SLC25A26: variants seen among roughly 807,000 people sequenced by gnomAD.
SLC25A26 encodes the protein mitochondrial S-adenosylmethionine carrier protein.
In SLC25A26, 36 loss-of-function variants were observed where a neutral mutation model predicts 37.8. The ratio of observed to expected loss-of-function variants is 0.95; its 90% confidence interval spans 0.73 to 1.26. SLC25A26 has a LOEUF of 1.26. SLC25A26 is among the 50% of genes most tolerant of loss of function. The probability of loss-of-function intolerance (pLI) is 0.00; values close to 1 mark genes in which losing one functional copy is unlikely to be tolerated. For synonymous variants in SLC25A26, 129 were observed against 122.5 expected, an observed-to-expected ratio of 1.05 and a Z score of -0.35; for missense variants, 390 against 331.1, an observed-to-expected ratio of 1.18 and a Z score of -1.38.
chr3:66,239,381 A>C (rs1415095312), intron 2 of SLC25A26, among the ~76,000 whole-genome samples: 1 of 151,590 alleles, frequency 6.6e-6, no homozygotes, highest in Non-Finnish European at 1.5e-5. Context: ...CCTTGGTGAC[A>C]TTTTTCTTTT....
intron 5 of SLC25A26, among the ~76,000 whole-genome samples, chr3:66,317,555 A>G (rs565662060): frequency 6.6e-6 from 1 of 152,286 alleles, no homozygotes; most frequent in East Asian, 1.9e-4. Flanking sequence ...AGGTGTCTGC[A>G]GGCTTTTGTC....
intron 5 of SLC25A26, among the ~76,000 whole-genome samples, chr3:66,287,264 C>G (rs536339619): frequency 6.0e-5 from 9 of 150,526 alleles, no homozygotes; most frequent in Non-Finnish European, 1.0e-4. Context: ...CCATTGCACT[C>G]TAGCCTGGGC....
At chr3:66,135,463 A>G (rs1345208388) in intron 1 of SLC25A26, among the ~76,000 whole-genome samples, 1 of 152,164 alleles carries the variant, frequency 6.6e-6, no homozygotes, top group Non-Finnish European at 1.5e-5. Flanking sequence ...TTTAATGTGA[A>G]CAATTGTTAA....
intron 1 of SLC25A26, among the ~76,000 whole-genome samples, chr3:66,172,361 T>C (rs1359906339): frequency 7.5e-6 from 1 of 132,986 alleles, no homozygotes; most frequent in Non-Finnish European, 1.5e-5. Context: ...CAGTGAGCCA[T>C]GTTTGCACCA....
In SLC25A26 at chr3:66,155,749, A is replaced by G. The variant is rs576287371; in HGVS notation, c.-354+21765A>G. Among the ~76,000 whole-genome samples, 34 of 152,228 alleles carry G rather than the reference A, an allele frequency of 2.2e-4. No individual in the cohort carries two copies. In the East Asian group the frequency reaches 6.4e-3, roughly 29 times the overall value. On this transcript the variant is annotated intron_variant, in intron 1 of 10. Coordinates refer to the SLC25A26 transcript ENST00000676754. The stretch of plus-strand genomic sequence containing the variant: ...AGGTGAAAAACTGAAAAACCAGCAC[A>G]CTCAAATCAGCAAGTTCACTTGCCC...
At chr3:66,347,900 T>A (rs1425198209) in intron 6 of SLC25A26, among the ~76,000 whole-genome samples, 2 of 152,202 alleles carry the variant, frequency 1.3e-5, no homozygotes, top group Non-Finnish European at 2.9e-5. Flanking sequence ...CTGCATGTTC[T>A]CACTTATAAG....
At chr3:66,297,171 CA>C (rs1374895193) in intron 5 of SLC25A26, among the ~76,000 whole-genome samples, 2 of 151,240 alleles carry the variant, frequency 1.3e-5, no homozygotes, top group East Asian at 1.9e-4. Context: ...ATTAAAAATA[CA>C]AAAAAAATAG....
intron 5 of SLC25A26, among the ~76,000 whole-genome samples, chr3:66,275,910 G>T (rs1212750889): frequency 6.6e-6 from 1 of 152,034 alleles, no homozygotes; most frequent in Non-Finnish European, 1.5e-5. Flanking sequence ...TGTGGGTCAA[G>T]AATTACCCTT....
At chr3:66,342,818 CT>C (rs1424778694) in intron 5 of SLC25A26, among the ~76,000 whole-genome samples, 2 of 152,164 alleles carry the variant, frequency 1.3e-5, no homozygotes, top group Admixed American at 6.5e-5. Flanking sequence ...CTTTTTCCCC[CT>C]CCATCTGTGT....
intron 5 of SLC25A26, among the ~76,000 whole-genome samples, chr3:66,339,043 CT>C (rs1337529347): frequency 6.6e-6 from 1 of 151,960 alleles, no homozygotes; most frequent in African/African-American, 2.4e-5. Flanking sequence ...ATGCAAGTGT[CT>C]GTTTGAGTCT....
intron 2 of SLC25A26, 52 bp downstream of exon 2, chr3:66,236,752 A>G (rs1009974342): frequency 2.9e-6 from 4 of 1,402,712 alleles, no homozygotes; most frequent in East Asian, 2.5e-5. Context: ...TGGGATTTTC[A>G]GAATGGTGTG....
chr3:66,222,833 A>T (rs571149997), intron 1 of SLC25A26, among the ~76,000 whole-genome samples: 1 of 152,308 alleles, frequency 6.6e-6, no homozygotes, highest in East Asian at 1.9e-4. Context: ...TGAGTGCTGC[A>T]GTTAACAAAA....
At chr3:66,240,770 G>C (rs36157487) in intron 2 of SLC25A26, among the ~76,000 whole-genome samples, 14,302 of 133,906 alleles carry the variant, frequency 0.11, 1,687 homozygotes, top group African/African-American at 0.28. Context: ...TTTTGAGACA[G>C]AGTCTCACTC....
At chr3:66,166,521 C>T (rs1349071017) in intron 1 of SLC25A26, among the ~76,000 whole-genome samples, 1 of 152,206 alleles carries the variant, frequency 6.6e-6, no homozygotes, top group Non-Finnish European at 1.5e-5. Flanking sequence ...GTACAATTTA[C>T]ACCTTATCTG....
chr3:66,261,149 A>G (rs545264222), intron 3 of SLC25A26, among the ~76,000 whole-genome samples: 24 of 152,340 alleles, frequency 1.6e-4, no homozygotes, highest in African/African-American at 3.8e-4. Flanking sequence ...TTTCATGTTC[A>G]AGGTTACATA....
At chr3:66,312,115 C>T (rs1205159425) in intron 5 of SLC25A26, among the ~76,000 whole-genome samples, 2 of 152,220 alleles carry the variant, frequency 1.3e-5, no homozygotes, top group Non-Finnish European at 2.9e-5. Context: ...CCCAGGTGCC[C>T]TGTCTTATGG....
chr3:66,346,501 A>G (rs2076327188), intron 6 of SLC25A26, 93 bp downstream of exon 6: 2 of 561,248 alleles, frequency 3.6e-6, no homozygotes, highest in Non-Finnish European at 5.8e-6. Flanking sequence ...GTTGACTAGA[A>G]GTTCAGCAAC....
intron 3 of SLC25A26, among the ~76,000 whole-genome samples, chr3:66,258,743 A>G (rs994445851): frequency 1.3e-5 from 2 of 152,100 alleles, no homozygotes; most frequent in Non-Finnish European, 2.9e-5. Context: ...CCACCTACTC[A>G]GGAGGCCAAG....
Position 66,243,283 on chromosome 3 carries a change from CAT to C in SLC25A26, c.274_275del (p.Met92ValfsTer18), listed in dbSNP as rs781986411. 2.1e-5 allele frequency: 34 copies of C among 1,605,534 alleles called. No individual in the cohort carries two copies. The highest frequency in any genetic ancestry group is 1.1e-4 in the East Asian group (5 of 44,690). The part of the protein sequence containing the change: ...DSSSYLTPMK[H>X]MLAASAGEVV... Reference sequence around the variant, plus strand: ...ATCTTCATATTTGACACCTATGAAACATATGTTGGCTGCCTCTGCTGGAGAAG... The same window carrying C: ...ATCTTCATATTTGACACCTATGAAACATGTTGGCTGCCTCTGCTGGAGAAG... On this transcript the variant is annotated frameshift_variant, in exon 3 of 10. Transcript: ENST00000354883. LOFTEE classifies it high-confidence loss of function.
Sources: gnomAD v4.1 joint callset for allele counts (sites outside exome capture counted in the v4.1 genomes callset) on GRCh38, gnomAD v4.1.1 for gene constraint, MANE v1.5 for transcripts, NCBI Gene and HGNC (gene_info 2026-07-23, HGNC 2026-07-21) for gene names.